EXOC4: variants seen among roughly 807,000 people sequenced by gnomAD.
EXOC4 encodes the protein SEC8-like 1.
In EXOC4, 71 loss-of-function variants were observed where a neutral mutation model predicts 107.2. The ratio of observed to expected loss-of-function variants is 0.66; its 90% CI spans 0.55 to 0.81. The LOEUF (loss-of-function observed/expected upper bound fraction) is 0.81, where lower values mean the gene tolerates loss of function less well. Ranked by LOEUF, EXOC4 falls within the 30% of genes least tolerant of loss-of-function variation. The pLI is 0.00. For missense variants in EXOC4, 1,108 were observed against 1,189.6 expected (o/e 0.93, Z 1.01); for synonymous variants, 456 against 441.2 (o/e 1.03, Z -0.42).
chr7:133,457,399 C>G (rs535825334), intron 7 of EXOC4, among the ~76,000 whole-genome samples: 1 of 152,266 alleles, frequency 6.6e-6, no homozygotes, highest in South Asian at 2.1e-4. Context: ...AGACTAGTCT[C>G]ATAACTCCTG....
intron 10 of EXOC4, among the ~76,000 whole-genome samples, chr7:133,755,064 A>C (rs1446993041): frequency 6.6e-6 from 1 of 151,234 alleles, no homozygotes. Flanking sequence ...TTTAAAATAT[A>C]ATGAAAAGCT....
intron 15 of EXOC4, among the ~76,000 whole-genome samples, chr7:134,001,780 C>T (rs1462285824): frequency 2.6e-5 from 4 of 152,210 alleles, no homozygotes; most frequent in African/African-American, 9.6e-5. Flanking sequence ...CCTGTGCTGA[C>T]CTGGCCTGTG....
At chr7:133,412,550 C>T (rs1797385828) in intron 7 of EXOC4, among the ~76,000 whole-genome samples, 1 of 151,814 alleles carries the variant, frequency 6.6e-6, no homozygotes, top group Non-Finnish European at 1.5e-5. Flanking sequence ...CATGAAAAAT[C>T]AAATATTCTT....
At chr7:133,926,659 CGTT>C (rs1282201749) in intron 13 of EXOC4, among the ~76,000 whole-genome samples, 7 of 152,018 alleles carry the variant, frequency 4.6e-5, no homozygotes, top group African/African-American at 9.6e-5. Context: ...AAATAATAAT[CGTT>C]GTTGAAGATG....
At chr7:133,789,744 G>A (rs998364788) in intron 10 of EXOC4, among the ~76,000 whole-genome samples, 6 of 152,146 alleles carry the variant, frequency 3.9e-5, no homozygotes, top group African/African-American at 1.2e-4. Flanking sequence ...CAATTGCAGG[G>A]TATGATGGGG....
At chr7:133,418,294 G>A (rs4731953) in intron 7 of EXOC4, among the ~76,000 whole-genome samples, 34,918 of 152,128 alleles carry the variant, frequency 0.23, 5,414 homozygotes, top group East Asian at 0.49. Flanking sequence ...TGCCTCATCT[G>A]AATGTGAAAG....
At chr7:133,421,533 G>A (rs1797607292) in intron 7 of EXOC4, among the ~76,000 whole-genome samples, 1 of 152,226 alleles carries the variant, frequency 6.6e-6, no homozygotes, top group African/African-American at 2.4e-5. Flanking sequence ...TCTGAAGAGA[G>A]AAGGAAAGTT....
intron 17 of EXOC4, among the ~76,000 whole-genome samples, chr7:134,063,777 C>G (rs1385437848): frequency 6.6e-6 from 1 of 152,106 alleles, no homozygotes; most frequent in Non-Finnish European, 1.5e-5. Flanking sequence ...GAAGCACCAC[C>G]ATTCTGAGTG....
chr7:133,337,755 T>C (rs1468555722), intron 5 of EXOC4, among the ~76,000 whole-genome samples: 1 of 147,960 alleles, frequency 6.8e-6, no homozygotes, highest in Non-Finnish European at 1.5e-5. Context: ...CACCTCAGCC[T>C]CCCAAGTAGC....
At chr7:133,707,918 T>A (rs552561964) in intron 10 of EXOC4, among the ~76,000 whole-genome samples, 3 of 152,150 alleles carry the variant, frequency 2.0e-5, no homozygotes, top group Non-Finnish European at 4.4e-5. Context: ...TGGAATGGAA[T>A]TCCTGGATTT....
At chr7:133,582,650 A>C (rs966010551) in intron 9 of EXOC4, among the ~76,000 whole-genome samples, 5 of 152,158 alleles carry the variant, frequency 3.3e-5, no homozygotes, top group Non-Finnish European at 7.4e-5. Flanking sequence ...TTACATGTGC[A>C]AAATGATTAG....
At position 133,464,811 on chromosome 7, in the gene EXOC4, G is replaced by GTTTTTTTTTTTTTTTTTTTT. The variant is rs3046149; in HGVS notation, c.1183-10511_1183-10492dup. Among the ~76,000 whole-genome samples, 7 of 51,296 alleles carry GTTTTTTTTTTTTTTTTTTTT rather than the reference G, an allele frequency of 1.4e-4. 2 individuals are homozygous for GTTTTTTTTTTTTTTTTTTTT. Among genetic ancestry groups the GTTTTTTTTTTTTTTTTTTTT allele is most frequent in the African/African-American group, 2.5e-4 (3 of 12,038 alleles). The allele number at this position is 51,296 out of a possible 152,430, so 33.7% of individuals were successfully genotyped here. The stretch of plus-strand genomic sequence containing the variant: ...TTTTTTTTTTTTGTTGGTTGGGTTG[G>GTTTTTTTTTTTTTTTTTTTT]TTTTTTTTTTTTTTTTTTTTTTTTT... On this transcript the variant is annotated intron_variant, in intron 7 of 17. Coordinates refer to ENST00000253861, the MANE Select transcript of EXOC4 (RefSeq NM_021807.4).
intron 14 of EXOC4, among the ~76,000 whole-genome samples, chr7:133,969,120 C>T (rs1014329087): frequency 2.0e-5 from 3 of 152,126 alleles, no homozygotes; most frequent in Non-Finnish European, 4.4e-5. Context: ...CTTTCTTCCA[C>T]TTGATTGATT....
At chr7:133,771,588 C>G (rs546458007) in intron 10 of EXOC4, 1 of 151,762 alleles carries the variant, frequency 6.6e-6, no homozygotes, top group Non-Finnish European at 1.5e-5. Context: ...AATTGCAATC[C>G]GTGGTATGGC....
chr7:134,098,061 A>G, the EXOC4 span, among the ~76,000 whole-genome samples: 1 of 152,222 alleles, frequency 6.6e-6, no homozygotes, highest in African/African-American at 2.4e-5. Context: ...ATTCACACAT[A>G]TCAACATAAA....
chr7:133,724,588 T>G (rs1428900714), intron 10 of EXOC4, among the ~76,000 whole-genome samples: 1 of 152,230 alleles, frequency 6.6e-6, no homozygotes, highest in Non-Finnish European at 1.5e-5. Flanking sequence ...GAAATACAGA[T>G]ATTAATAATA....
intron 10 of EXOC4, among the ~76,000 whole-genome samples, chr7:133,725,333 A>G (rs957630239): frequency 3.9e-5 from 6 of 152,136 alleles, no homozygotes; most frequent in African/African-American, 1.4e-4. Flanking sequence ...TTTTTCTTAT[A>G]AAGGGCTAGC....
chr7:133,454,405 T>G (rs1798417083), intron 7 of EXOC4, among the ~76,000 whole-genome samples: 1 of 152,210 alleles, frequency 6.6e-6, no homozygotes, highest in African/African-American at 2.4e-5. Flanking sequence ...GAAGCGATTC[T>G]TGTGCCTCAG....
chr7:133,348,033 G>C (rs1215636896), intron 5 of EXOC4, among the ~76,000 whole-genome samples: 2 of 152,182 alleles, frequency 1.3e-5, no homozygotes, highest in Non-Finnish European at 2.9e-5. Context: ...TTGGAGTTCA[G>C]TAGTTTGGAA....
Sources: gnomAD v4.1 joint callset for allele counts (sites outside exome capture counted in the v4.1 genomes callset) on GRCh38, gnomAD v4.1.1 for gene constraint, MANE v1.5 for transcripts, NCBI Gene and HGNC (gene_info 2026-07-23, HGNC 2026-07-21) for gene names.